Variants in CSPP1 observed in about 807,000 individuals in gnomAD.
CSPP1 encodes centrosome and spindle pole-associated protein 1.
CSPP1 carries 126 observed loss-of-function variants against 164.4 expected under a neutral mutation model. The observed-to-expected ratio is 0.77, with a 90% CI of 0.66 to 0.89. The LOEUF (loss-of-function observed/expected upper bound fraction) is 0.89. CSPP1 is among the 40% of genes least tolerant of loss of function. The probability of loss-of-function intolerance (pLI) is 0.00; values close to 1 mark genes in which losing one functional copy is unlikely to be tolerated. For missense variants in CSPP1, 1,395 were observed against 1,449.8 expected (o/e 0.96, Z 0.61); for synonymous variants, 472 against 476.7 (o/e 0.99, Z 0.13).
chr8:67,095,514 A>G lies in CSPP1; in HGVS notation c.705A>G (p.Ala235=). ...ELRNRRIIKK[A]NEEVGISNLK... ...GGAATAGAAGAATTATTAAAAAAGC[A>G]AATGAAGAAGTGGGCATTTCCAACC... The change falls in exon 7 of 31, where the codon GCA becomes GCG. Residue 235 remains alanine (A), a synonymous_variant. Transcript: ENST00000678616. 6.2e-7 allele frequency: 1 copy of G among 1,613,850 alleles called. No individual in the cohort carries two copies. The highest frequency in any genetic ancestry group is 8.5e-7 in the Non-Finnish European group (1 of 1,179,930).
chr8:67,107,348 G>A (rs1010150484), intron 9 of CSPP1, among the ~76,000 whole-genome samples: 1 of 152,088 alleles, frequency 6.6e-6, no homozygotes, highest in African/African-American at 2.4e-5. Flanking sequence ...GTTCCCGGCC[G>A]ATGTAGTTTA....
At chr8:67,136,616 A>G (rs1402072811) in intron 16 of CSPP1, among the ~76,000 whole-genome samples, 1 of 151,994 alleles carries the variant, frequency 6.6e-6, no homozygotes, top group African/African-American at 2.4e-5. Flanking sequence ...GCAAAGCACA[A>G]TAAAATTCAG....
intron 3 of CSPP1, among the ~76,000 whole-genome samples, chr8:67,085,532 A>G (rs1810213056): frequency 6.6e-6 from 1 of 152,070 alleles, no homozygotes; most frequent in Admixed American, 6.5e-5. Flanking sequence ...GTTGGTATTT[A>G]TTTTTATAGA....
chr8:67,065,935 T>A (rs2129538885), intron 1 of CSPP1, among the ~76,000 whole-genome samples: 1 of 152,304 alleles, frequency 6.6e-6, no homozygotes, highest in Non-Finnish European at 1.5e-5. Flanking sequence ...GATGAAGCTT[T>A]CAGACAAATA....
At chr8:67,166,979 G>A (rs983995378) in intron 24 of CSPP1, among the ~76,000 whole-genome samples, 44 of 151,642 alleles carry the variant, frequency 2.9e-4, no homozygotes, top group African/African-American at 1.0e-3. Flanking sequence ...ATCTTGCACC[G>A]CCCTTAATCC....
chr8:67,155,629 C>T lies in CSPP1; in HGVS notation c.2241+1493C>T, dbSNP rs530277656. On this transcript the variant is annotated intron_variant, in intron 19 of 30. Coordinates refer to ENST00000678616, the MANE Select transcript of CSPP1 (RefSeq NM_001382391.1). The stretch of plus-strand genomic sequence containing the variant: ...TGGGCAACATGATGAAACCCCATTT[C>T]TACAAAAAATTAGCCAGGCATTGTA... 2.6e-5 allele frequency among the ~76,000 whole-genome samples: 4 copies of T among 152,088 alleles called. No homozygotes were observed. In the South Asian group the frequency reaches 8.3e-4, roughly 32 times the overall value.
chr8:67,142,379 C>T (rs1379085117), intron 17 of CSPP1, among the ~76,000 whole-genome samples: 2 of 152,286 alleles, frequency 1.3e-5, no homozygotes, highest in Middle Eastern at 3.4e-3. Context: ...CTTACTTACT[C>T]GTCCACCCAT....
chr8:67,159,896 CTTTCTTTCTTTCTTTCTTT>C (rs1827599632), intron 21 of CSPP1, among the ~76,000 whole-genome samples: 1 of 67,188 alleles, frequency 1.5e-5, no homozygotes, highest in East Asian at 4.0e-4. Context: ...TTCTTTCTTT[CTTTCTTTCTTTCTTTCTTT>C]CTTTCTTTCC....
rs1380820571 is a variant in CSPP1 at position 67,172,469 on chromosome 8, A to C, written c.2882A>C (p.Gln961Pro). The C allele has an allele frequency of 6.2e-7, 1 of 1,613,418 alleles. No homozygotes were observed. The highest frequency in any genetic ancestry group is 1.1e-5 in the South Asian group (1 of 91,064). The part of the protein sequence containing the change: ...DIFDMARHRL[Q>P]APVRRQSPKG... ...TTTGATATGGCTAGACATCGGTTGC[A>C]AGCTCCTGTCAGAAGACAGTCCCCT... The change falls in exon 25 of 31, where the codon CAA (glutamine) becomes CCA (proline). Residue 961 changes from glutamine to proline, a missense_variant. Physicochemically the swap from Gln to Pro is moderately conservative, Grantham distance 76. Coordinates refer to ENST00000678616, the MANE Select transcript of CSPP1 (RefSeq NM_001382391.1).
chr8:67,098,537 A>T (rs576795476), intron 7 of CSPP1, among the ~76,000 whole-genome samples: 1 of 151,998 alleles, frequency 6.6e-6, no homozygotes, highest in East Asian at 1.9e-4. Context: ...TTCTTAATTA[A>T]CAAGGTGGTT....
chr8:67,159,850 CTTTTTCTTTCTTTCT>C (rs1242383361), intron 21 of CSPP1, among the ~76,000 whole-genome samples: 1 of 91,626 alleles, frequency 1.1e-5, no homozygotes, highest in Non-Finnish European at 2.0e-5. Context: ...TTCTTTCTTT[CTTTTTCTTTCTTTCT>C]TTCTTTCTTT....
intron 30 of CSPP1, 38 bp downstream of exon 30, chr8:67,193,640 G>A (rs755934048): frequency 6.4e-7 from 1 of 1,569,610 alleles, no homozygotes; most frequent in South Asian, 1.1e-5. Flanking sequence ...GTAGAATCCT[G>A]TATGAACTTT....
At chr8:67,133,048 T>G (rs1821558224) in intron 16 of CSPP1, among the ~76,000 whole-genome samples, 2 of 152,334 alleles carry the variant, frequency 1.3e-5, no homozygotes, top group African/African-American at 4.8e-5. Flanking sequence ...ATTCTACAAA[T>G]AAAAGACTGA....
At chr8:67,158,867 TAAAG>T (rs1827172127) in intron 20 of CSPP1, 120 bp from the exon 21 acceptor site, 3 of 964,856 alleles carry the variant, frequency 3.1e-6, no homozygotes, top group East Asian at 2.5e-5. Context: ...CAACTTATGT[TAAAG>T]AACACCATAT....
rs766135598 is a variant in CSPP1 at position 67,159,129 on chromosome 8, GA to G, written c.2533del (p.Thr845GlnfsTer4). ...TGAAAGAGACAATTTGATTGGGGAA[GA>G]AACAAAGGTAAGTTTCAGACAAAAA... ...YCERDNLIGE[E>X]TKHMRQPSPI... On this transcript the variant is annotated frameshift_variant, in exon 21 of 31. Coordinates refer to ENST00000678616, the MANE Select transcript of CSPP1 (RefSeq NM_001382391.1). LOFTEE classifies it high-confidence loss of function. 1 of 1,597,068 alleles carries G rather than the reference GA, an allele frequency of 6.3e-7. No individual in the cohort carries two copies. The highest frequency in any genetic ancestry group is 2.2e-5 in the East Asian group (1 of 44,656).
At chr8:67,131,012 A>C (rs951529479) in intron 15 of CSPP1, among the ~76,000 whole-genome samples, 1 of 152,146 alleles carries the variant, frequency 6.6e-6, no homozygotes, top group African/African-American at 2.4e-5. Context: ...ACAAAAAATT[A>C]TAAAATCAGT....
Position 67,132,051 on chromosome 8 carries a change from C to G in CSPP1, c.1798C>G (p.Gln600Glu), listed in dbSNP as rs73693125. Residue 600 changes from glutamine to glutamate, a missense_variant, in exon 16 of 31, where the codon CAG becomes GAG. By Grantham distance (29) the Gln-to-Glu change is conservative. Coordinates refer to ENST00000678616, the MANE Select transcript of CSPP1 (RefSeq NM_001382391.1). ...ACCGAAACCTTCCAAACAGTCACTT[C>G]AGTCTTACCAAGAGGCTTTGCAGCA... ...DKPKPSKQSL[Q>E]SYQEALQQQI... is the part of the protein sequence containing the mutation. 5.1e-4 allele frequency: 830 copies of G among 1,613,510 alleles called. 5 individuals carry two copies. In the African/African-American group the frequency reaches 9.1e-3, roughly 18 times the overall value.
intron 19 of CSPP1, among the ~76,000 whole-genome samples, chr8:67,157,351 A>T (rs1225021617): frequency 6.6e-6 from 1 of 151,716 alleles, no homozygotes; most frequent in Non-Finnish European, 1.5e-5. Flanking sequence ...GCTGGAGTGC[A>T]GTGGTGCAAT....
At chr8:67,169,031 C>T (rs1313474805) in intron 24 of CSPP1, among the ~76,000 whole-genome samples, 2 of 152,102 alleles carry the variant, frequency 1.3e-5, no homozygotes, top group African/African-American at 2.4e-5. Flanking sequence ...AGGGAAACTC[C>T]ATTAGAGCAG....
Sources: gnomAD v4.1 joint callset for allele counts (sites outside exome capture counted in the v4.1 genomes callset) on GRCh38, gnomAD v4.1.1 for gene constraint, MANE v1.5 for transcripts, NCBI Gene and HGNC (gene_info 2026-07-23, HGNC 2026-07-21) for gene names.